Variants in PIK3C2G observed in about 807,000 individuals in gnomAD.
PIK3C2G encodes the protein phosphatidylinositol-4-phosphate 3-kinase catalytic subunit type 2 gamma, also known as phosphatidylinositol 3-kinase C2 domain-containing subunit gamma.
PIK3C2G carries 168 observed loss-of-function variants against 181.1 expected under a neutral mutation model. That is an observed-to-expected ratio of 0.93 (90% confidence interval 0.82 to 1.05). PIK3C2G has a LOEUF of 1.05. Ranked by LOEUF, PIK3C2G falls within the 50% of genes least tolerant of loss-of-function variation. The pLI is 0.00. For synonymous variants in PIK3C2G, 573 were observed against 592.2 expected (o/e 0.97, Z 0.47); for missense variants, 1,869 against 1,732.8 (o/e 1.08, Z -1.40).
At chr12:18,264,722 G>C (rs910699849) in intron 1 of PIK3C2G, among the ~76,000 whole-genome samples, 2 of 152,026 alleles carry the variant, frequency 1.3e-5, no homozygotes, top group African/African-American at 4.8e-5. Flanking sequence ...AAAATCAGCT[G>C]TGTGAGCAGA....
At chr12:18,596,049 G>A (rs974869107) in intron 30 of PIK3C2G, among the ~76,000 whole-genome samples, 6 of 152,076 alleles carry the variant, frequency 3.9e-5, no homozygotes, top group African/African-American at 1.4e-4. Flanking sequence ...CATGCACAGT[G>A]TCTGGCCTAC....
the PIK3C2G span, among the ~76,000 whole-genome samples, chr12:18,659,397 GA>G: frequency 1.3e-5 from 2 of 152,100 alleles, no homozygotes; most frequent in Non-Finnish European, 2.9e-5. Flanking sequence ...AATCACTTGG[GA>G]TTAAGCGGCT....
chr12:18,346,818 C>T lies in PIK3C2G; in HGVS notation c.1607C>T (p.Pro536Leu), dbSNP rs752594515. ...SFTVYAAHNI[P>L]ETWVHSYKAF... ...ACAGTGTATGCAGCACACAACATTC[C>T]AGAAACCTGGGTGCACAGGTGAGTG... The change falls in exon 11 of 33, where the codon CCA (proline) becomes CTA (leucine). Residue 536 changes from proline to leucine, a missense_variant. Pro to Leu is a moderately conservative substitution (Grantham distance 98). Coordinates refer to ENST00000538779, the MANE Select transcript of PIK3C2G (RefSeq NM_001288772.2). 1.9e-6 allele frequency: 3 copies of T among 1,610,950 alleles called. No homozygotes were observed. The highest frequency in any genetic ancestry group is 2.5e-6 in the Non-Finnish European group (3 of 1,178,374).
chr12:18,521,905 C>T (rs916262396), intron 24 of PIK3C2G, among the ~76,000 whole-genome samples: 1 of 152,240 alleles, frequency 6.6e-6, no homozygotes, highest in African/African-American at 2.4e-5. Flanking sequence ...TCTTCCAAAT[C>T]ATGGGTTGCA....
At chr12:18,631,974 G>T (rs1949370558) in intron 31 of PIK3C2G, among the ~76,000 whole-genome samples, 1 of 152,022 alleles carries the variant, frequency 6.6e-6, no homozygotes, top group Non-Finnish European at 1.5e-5. Context: ...TTCCCCACTG[G>T]GGTCAGTTTT....
At chr12:18,303,848 C>A (rs1246265782) in intron 5 of PIK3C2G, among the ~76,000 whole-genome samples, 1 of 151,576 alleles carries the variant, frequency 6.6e-6, no homozygotes, top group Non-Finnish European at 1.5e-5. Flanking sequence ...ACAGGATGGT[C>A]AAATTTTATA....
intron 25 of PIK3C2G, among the ~76,000 whole-genome samples, chr12:18,539,968 T>G (rs1403528397): frequency 6.6e-6 from 1 of 151,776 alleles, no homozygotes; most frequent in African/African-American, 2.4e-5. Context: ...AAGTATGAGA[T>G]GACTACGGTT....
At chr12:18,642,900 T>G (rs1949917274) in intron 32 of PIK3C2G, among the ~76,000 whole-genome samples, 1 of 151,874 alleles carries the variant, frequency 6.6e-6, no homozygotes, top group Admixed American at 6.6e-5. Flanking sequence ...AGGAAAAATA[T>G]TTTGACACTA....
At chr12:18,488,210 T>C (rs1940236588) in intron 18 of PIK3C2G, among the ~76,000 whole-genome samples, 1 of 152,100 alleles carries the variant, frequency 6.6e-6, no homozygotes, top group African/African-American at 2.4e-5. Context: ...AGATGTGTTA[T>C]GAATTGAAAT....
At chr12:18,592,736 A>T (rs979756660) in intron 29 of PIK3C2G, among the ~76,000 whole-genome samples, 1 of 151,954 alleles carries the variant, frequency 6.6e-6, no homozygotes, top group African/African-American at 2.4e-5. Context: ...GTTAGTTTTT[A>T]AAATTGACAG....
chr12:18,462,729 G>A (rs937531571), intron 18 of PIK3C2G, among the ~76,000 whole-genome samples: 3 of 152,110 alleles, frequency 2.0e-5, no homozygotes, highest in African/African-American at 7.2e-5. Context: ...TTTATTCCAA[G>A]TAATGTCAGT....
intron 12 of PIK3C2G, among the ~76,000 whole-genome samples, chr12:18,367,530 T>A (rs1008289401): frequency 1.4e-4 from 22 of 152,124 alleles, no homozygotes; most frequent in African/African-American, 5.3e-4. Flanking sequence ...TACAAGAGAC[T>A]GGGTAATTTT....
intron 14 of PIK3C2G, among the ~76,000 whole-genome samples, chr12:18,389,988 G>A (rs899846218): frequency 2.6e-5 from 4 of 152,106 alleles, no homozygotes; most frequent in Non-Finnish European, 5.9e-5. Context: ...CGTACTGGAT[G>A]CCCTTCCCCT....
chr12:18,705,153 A>G, the PIK3C2G span: 6 of 1,613,388 alleles, frequency 3.7e-6, no homozygotes, highest in Non-Finnish European at 5.1e-6. Context: ...AGTTTCTCAG[A>G]AAAAAATGTT....
chr12:18,704,428 C>A, the PIK3C2G span, among the ~76,000 whole-genome samples: 5 of 152,124 alleles, frequency 3.3e-5, no homozygotes, highest in East Asian at 9.7e-4. Context: ...CGGGTTCAAG[C>A]GATTCTCCTG....
chr12:18,625,449 G>C (rs986556343), intron 31 of PIK3C2G, among the ~76,000 whole-genome samples: 13 of 151,740 alleles, frequency 8.6e-5, no homozygotes, highest in Middle Eastern at 3.4e-3. Flanking sequence ...CATATGATCT[G>C]TCCTGAAGAA....
At chr12:18,281,073 T>C (rs1949192945) in intron 1 of PIK3C2G, among the ~76,000 whole-genome samples, 1 of 151,844 alleles carries the variant, frequency 6.6e-6, no homozygotes, top group South Asian at 2.1e-4. Flanking sequence ...GGTTTTGGAC[T>C]TTCACTTGGA....
intron 28 of PIK3C2G, among the ~76,000 whole-genome samples, chr12:18,563,738 A>AT (rs1195844192): frequency 2.0e-5 from 3 of 152,266 alleles, no homozygotes; most frequent in African/African-American, 7.2e-5. Context: ...TAGACAGACA[A>AT]TTTCAAAAGC....
intron 16 of PIK3C2G, among the ~76,000 whole-genome samples, chr12:18,414,052 G>A (rs1945025508): frequency 6.6e-6 from 1 of 152,086 alleles, no homozygotes; most frequent in South Asian, 2.1e-4. Context: ...CTGAGTTCAG[G>A]AGCCCTTTTT....
Sources: allele counts gnomAD v4.1 joint callset (sites outside exome capture counted in the v4.1 genomes callset), GRCh38; gene constraint gnomAD v4.1.1; transcripts MANE v1.5; gene names NCBI Gene and HGNC (gene_info 2026-07-23, HGNC 2026-07-21).